The following CNR2 variants were observed in gnomAD, a reference collection of about 807,000 sequenced individuals.
The protein encoded by CNR2 is cannabinoid receptor 2.
For missense variants in CNR2, 379 were observed against 439.9 expected, an observed-to-expected ratio of 0.86 and a Z score of 1.24; for synonymous variants, 172 against 182.2, an observed-to-expected ratio of 0.94 and a Z score of 0.45.
At position 23,874,555 on chromosome 1, in the gene CNR2, G is replaced by A. The variant is rs201487654; in HGVS notation, c.1063C>T (p.Leu355=). 50 of 1,613,792 alleles carry A rather than the reference G, an allele frequency of 3.1e-5. No individual in the cohort carries two copies. The highest frequency in any genetic ancestry group is 4.2e-5 in the Non-Finnish European group (49 of 1,179,954). Reference sequence around the variant, plus strand: ...CCTCATCAGCAATCAGAGAGGTCTAGATCTCTGGAATCTGGCCACGGAGTG... The same window carrying A: ...CCTCATCAGCAATCAGAGAGGTCTAAATCTCTGGAATCTGGCCACGGAGTG... ...KITPWPDSRD[L]DLSDC is the part of the protein sequence containing the mutation. The change falls in exon 2 of 2, where the codon CTA becomes TTA. Residue 355 remains leucine, a synonymous_variant. Coordinates refer to ENST00000374472, the MANE Select transcript of CNR2 (RefSeq NM_001841.3).
intron 1 of CNR2, chr1:23,901,925 G>A (rs1640406598): frequency 1.9e-6 from 3 of 1,603,236 alleles, no homozygotes; most frequent in African/African-American, 1.3e-5. Context: ...GCACCTCTGC[G>A]GGGTGAGGCC....
intron 1 of CNR2, among the ~76,000 whole-genome samples, chr1:23,898,335 CTTTTTT>C (rs557452268): frequency 0.87 from 93,824 of 108,382 alleles, 40,818 homozygotes; most frequent in South Asian, 0.89. Flanking sequence ...CCGCGCCCGG[CTTTTTT>C]TTTTTTTTTT....
chr1:23,895,786 G>A (rs1640271300), intron 1 of CNR2, among the ~76,000 whole-genome samples: 1 of 152,108 alleles, frequency 6.6e-6, no homozygotes, highest in Non-Finnish European at 1.5e-5. Flanking sequence ...TACAGCGTGA[G>A]CCACCGTGCC....
At chr1:23,908,173 GT>G in intron 1 of CNR2, among the ~76,000 whole-genome samples, 1 of 152,022 alleles carries the variant, frequency 6.6e-6, no homozygotes, top group Non-Finnish European at 1.5e-5. Flanking sequence ...TAGAGACGGG[GT>G]TTCACCATGT....
At chr1:23,901,867 G>T in intron 1 of CNR2, 2 of 1,609,426 alleles carry the variant, frequency 1.2e-6, no homozygotes, top group South Asian at 2.2e-5. Context: ...CGCAGCGCCC[G>T]CAGTACTGGC....
intron 1 of CNR2, among the ~76,000 whole-genome samples, chr1:23,909,054 G>A (rs565929374): frequency 4.6e-5 from 7 of 152,076 alleles, no homozygotes; most frequent in East Asian, 3.9e-4. Flanking sequence ...GAAGCTCACC[G>A]GACACCGAAC....
At chr1:23,899,011 G>A (rs1415380555) in intron 1 of CNR2, among the ~76,000 whole-genome samples, 1 of 152,032 alleles carries the variant, frequency 6.6e-6, no homozygotes, top group Admixed American at 6.6e-5. Flanking sequence ...AATAATAATT[G>A]TATATATTTA....
chr1:23,903,135 C>G (rs1337064314), intron 1 of CNR2, among the ~76,000 whole-genome samples: 2 of 152,132 alleles, frequency 1.3e-5, no homozygotes, highest in African/African-American at 4.8e-5. Flanking sequence ...GCCCCTACCA[C>G]CCCCGCCCCT....
intron 1 of CNR2, among the ~76,000 whole-genome samples, chr1:23,903,075 T>A (rs963916204): frequency 9.2e-5 from 5 of 54,468 alleles, no homozygotes; most frequent in Non-Finnish European, 1.1e-4. Flanking sequence ...GCAGCACCAT[T>A]CATGGGCGGC....
intron 1 of CNR2, among the ~76,000 whole-genome samples, chr1:23,898,197 TTTA>T (rs1489694374): frequency 1.3e-5 from 2 of 151,020 alleles, no homozygotes; most frequent in African/African-American, 4.9e-5. Flanking sequence ...TAGCTATTTT[TTTA>T]TTATTTTTTT....
At chr1:23,904,796 G>A (rs1029216225) in intron 1 of CNR2, among the ~76,000 whole-genome samples, 3 of 152,202 alleles carry the variant, frequency 2.0e-5, no homozygotes, top group Non-Finnish European at 2.9e-5. Flanking sequence ...AGAGAGGTCT[G>A]TCCCCTGATG....
At chr1:23,877,010 T>C (rs1437042569) in intron 1 of CNR2, among the ~76,000 whole-genome samples, 1 of 152,148 alleles carries the variant, frequency 6.6e-6, no homozygotes, top group East Asian at 1.9e-4. Context: ...ACAGGTTGTA[T>C]AGGAATACCA....
At chr1:23,888,587 G>A (rs757110627) in intron 1 of CNR2, among the ~76,000 whole-genome samples, 3 of 152,142 alleles carry the variant, frequency 2.0e-5, no homozygotes, top group Non-Finnish European at 4.4e-5. Flanking sequence ...ACCGATGCAT[G>A]CAAAAACATT....
At chr1:23,883,333 G>A (rs1462882042) in intron 1 of CNR2, among the ~76,000 whole-genome samples, 3 of 152,216 alleles carry the variant, frequency 2.0e-5, no homozygotes, top group Admixed American at 2.0e-4. Context: ...ATCAATTGCA[G>A]TCCCGGGAAT....
chr1:23,874,472 C>G lies in CNR2; in HGVS notation c.*63G>C. ...GTAAGAAGAGAGTGCCAAGACCCCT[C>G]TCTCTCTTCCAGGGAGTGAACTGAT... On this transcript the variant is annotated 3_prime_UTR_variant, in exon 2 of 2. Transcript: ENST00000374472. 1 of 1,526,574 alleles carries G rather than the reference C, an allele frequency of 6.6e-7. No homozygotes were observed. The highest frequency in any genetic ancestry group is 1.2e-5 in the South Asian group (1 of 80,682). The allele number at this position is 1,526,574 out of a possible 1,614,324, so 94.6% of individuals were successfully genotyped here.
chr1:23,910,256 C>T (rs186979661), intron 1 of CNR2, among the ~76,000 whole-genome samples: 5 of 151,566 alleles, frequency 3.3e-5, no homozygotes, highest in Admixed American at 6.6e-5. Flanking sequence ...CCACCATGCC[C>T]GGCCCCTTGG....
intron 1 of CNR2, among the ~76,000 whole-genome samples, chr1:23,876,797 T>C (rs1205896564): frequency 1.3e-5 from 2 of 148,154 alleles, no homozygotes; most frequent in Non-Finnish European, 3.0e-5. Context: ...ACTGTGCCAT[T>C]GCACTCCAGC....
intron 1 of CNR2, among the ~76,000 whole-genome samples, chr1:23,881,846 G>A (rs1348056505): frequency 3.3e-5 from 5 of 151,120 alleles, no homozygotes; most frequent in East Asian, 2.0e-4. Flanking sequence ...AGCCAAGATC[G>A]TGCCATTGCA....
intron 1 of CNR2, chr1:23,902,306 G>A: frequency 2.0e-6 from 3 of 1,532,102 alleles, no homozygotes; most frequent in Non-Finnish European, 2.7e-6. Context: ...GTGCGTCGAT[G>A]ACCTCCCAGC....
Sources: allele counts gnomAD v4.1 joint callset (sites outside exome capture counted in the v4.1 genomes callset), GRCh38; gene constraint gnomAD v4.1.1; transcripts MANE v1.5; gene names NCBI Gene and HGNC (gene_info 2026-07-23, HGNC 2026-07-21).